SGCZ: variants seen among roughly 807,000 people sequenced by gnomAD.
SGCZ encodes zeta-sarcoglycan.
SGCZ carries 40 observed loss-of-function variants against 41.3 expected under a neutral mutation model. That is an observed-to-expected ratio of 0.97 (90% CI 0.75 to 1.26). The LOEUF is 1.26. SGCZ is among the 50% of genes most tolerant of loss of function. SGCZ has a pLI of 0.00. For synonymous variants in SGCZ, 206 were observed against 137.5 expected, an observed-to-expected ratio of 1.50 and a Z score of -3.49; for missense variants, 552 against 369.8, an observed-to-expected ratio of 1.49 and a Z score of -4.04.
chr8:15,237,804 AATAATG>A lies in SGCZ; in HGVS notation c.-187_-182del, dbSNP rs1299941413. 1.6e-5 allele frequency: 9 copies of A among 577,004 alleles called. No individual in the cohort carries two copies. Among genetic ancestry groups the A allele is most frequent in the Non-Finnish European group, 2.8e-5 (9 of 322,800 alleles). The allele number at this position is 577,004 out of a possible 1,614,324, so 35.7% of individuals were successfully genotyped here. ...TTAAAAATAAGGAAAATAAATAAATAATAATGATAATTCACTTTATTTTACTTCCTC... is the reference window on the plus strand; with the variant it reads ...TTAAAAATAAGGAAAATAAATAAATAATAATTCACTTTATTTTACTTCCTC... On this transcript the variant is annotated 5_prime_UTR_variant, in exon 1 of 8. Coordinates refer to ENST00000382080, the MANE Select transcript of SGCZ (RefSeq NM_139167.4).
At chr8:14,952,394 C>T (rs544657101) in intron 1 of SGCZ, among the ~76,000 whole-genome samples, 2 of 152,192 alleles carry the variant, frequency 1.3e-5, no homozygotes, top group African/African-American at 2.4e-5. Flanking sequence ...AGGTCTGTTA[C>T]ATGGCTCAAC....
chr8:14,256,735 T>C (rs1250521321), intron 3 of SGCZ, among the ~76,000 whole-genome samples: 2 of 152,174 alleles, frequency 1.3e-5, no homozygotes, highest in African/African-American at 4.8e-5. Flanking sequence ...AATCTGTTTG[T>C]CTCATTTCTC....
chr8:14,217,712 G>A (rs925721520), intron 4 of SGCZ, among the ~76,000 whole-genome samples: 48 of 136,552 alleles, frequency 3.5e-4, no homozygotes, highest in Admixed American at 1.6e-4. Context: ...TCACTGCAAC[G>A]TCTCACTCCT....
chr8:14,340,780 A>C (rs1802675807), intron 2 of SGCZ, among the ~76,000 whole-genome samples: 1 of 152,138 alleles, frequency 6.6e-6, no homozygotes, highest in Non-Finnish European at 1.5e-5. Flanking sequence ...TATTGTGGTA[A>C]AATATACTTA....
At chr8:14,209,725 C>A (rs1805737321) in intron 4 of SGCZ, among the ~76,000 whole-genome samples, 1 of 152,098 alleles carries the variant, frequency 6.6e-6, no homozygotes. Context: ...ATAGAAAAAA[C>A]TGGATATGTA....
intron 1 of SGCZ, among the ~76,000 whole-genome samples, chr8:15,071,932 G>C (rs1805365883): frequency 6.6e-6 from 1 of 152,180 alleles, no homozygotes; most frequent in South Asian, 2.1e-4. Flanking sequence ...GTCAGAGGCA[G>C]ACAACTTCTT....
chr8:14,426,064 G>T (rs1449497627), intron 2 of SGCZ, among the ~76,000 whole-genome samples: 1 of 152,018 alleles, frequency 6.6e-6, no homozygotes, highest in Non-Finnish European at 1.5e-5. Flanking sequence ...AGTAAGAATA[G>T]TGAAGACACA....
In SGCZ at chr8:15,229,746, C is replaced by T. The variant is rs140685509; in HGVS notation, c.39+7839G>A. Among the ~76,000 whole-genome samples the T allele has an allele frequency of 2.5e-3, 374 of 152,294 alleles. 3 individuals are homozygous for T. Among genetic ancestry groups the T allele is most frequent in the African/African-American group, 8.7e-3 (360 of 41,562 alleles). On this transcript the variant is annotated intron_variant, in intron 1 of 7. Transcript: ENST00000382080. ...AATCACAATGATAACAGCGTTTTCC[C>T]ATTCATGACATTGATTTATTGTATC...
chr8:14,412,757 T>C (rs1273377392), intron 2 of SGCZ, among the ~76,000 whole-genome samples: 1 of 151,952 alleles, frequency 6.6e-6, no homozygotes, highest in African/African-American at 2.4e-5. Context: ...TCACTAATAA[T>C]GCGCACGTGA....
intron 2 of SGCZ, among the ~76,000 whole-genome samples, chr8:14,357,179 C>T (rs73664319): frequency 8.1e-4 from 123 of 152,190 alleles, no homozygotes; most frequent in African/African-American, 2.7e-3. Context: ...AATATAAAAA[C>T]CACAGATACT....
chr8:14,614,552 C>A (rs995518961), intron 1 of SGCZ, among the ~76,000 whole-genome samples: 9 of 152,116 alleles, frequency 5.9e-5, no homozygotes, highest in African/African-American at 2.2e-4. Flanking sequence ...ATTTAATACT[C>A]TCCTTTTGTG....
chr8:14,560,009 G>T (rs921739856), intron 1 of SGCZ, among the ~76,000 whole-genome samples: 2 of 152,058 alleles, frequency 1.3e-5, no homozygotes, highest in African/African-American at 4.8e-5. Context: ...GAATTTGGTA[G>T]AAATTTCAAG....
chr8:14,942,017 A>G (rs979092663), intron 1 of SGCZ, among the ~76,000 whole-genome samples: 1 of 152,066 alleles, frequency 6.6e-6, no homozygotes, highest in Non-Finnish European at 1.5e-5. Flanking sequence ...CTAATAGCCC[A>G]ACAATTGGGC....
intron 2 of SGCZ, among the ~76,000 whole-genome samples, chr8:14,411,366 G>A (rs913397157): frequency 6.6e-6 from 1 of 152,026 alleles, no homozygotes; most frequent in African/African-American, 2.4e-5. Context: ...AAACATATTA[G>A]TGTTCTGTTA....
chr8:14,718,669 G>A (rs1291672153), intron 1 of SGCZ, among the ~76,000 whole-genome samples: 1 of 151,238 alleles, frequency 6.6e-6, no homozygotes, highest in Non-Finnish European at 1.5e-5. Flanking sequence ...TAAAAAAACT[G>A]TCCTACTGAA....
intron 2 of SGCZ, among the ~76,000 whole-genome samples, chr8:14,428,382 A>C (rs750853443): frequency 6.6e-6 from 1 of 152,114 alleles, no homozygotes; most frequent in Non-Finnish European, 1.5e-5. Context: ...AGTTTGACTT[A>C]CATTAACTTT....
chr8:14,926,281 A>T (rs1334080005), intron 1 of SGCZ, among the ~76,000 whole-genome samples: 1 of 152,212 alleles, frequency 6.6e-6, no homozygotes, highest in Non-Finnish European at 1.5e-5. Context: ...ATAAAAGATC[A>T]TCGAAAAAAT....
At chr8:14,218,095 A>G (rs572309329) in intron 4 of SGCZ, among the ~76,000 whole-genome samples, 23 of 152,320 alleles carry the variant, frequency 1.5e-4, no homozygotes, top group African/African-American at 4.1e-4. Flanking sequence ...TGACCACTCT[A>G]CTTAACTTTG....
intron 1 of SGCZ, among the ~76,000 whole-genome samples, chr8:14,668,495 C>A (rs915086612): frequency 6.6e-6 from 1 of 152,106 alleles, no homozygotes; most frequent in South Asian, 2.1e-4. Flanking sequence ...AAATTTAAAA[C>A]CTGAAACTCC....
Sources: allele counts gnomAD v4.1 joint callset (sites outside exome capture counted in the v4.1 genomes callset), GRCh38; gene constraint gnomAD v4.1.1; transcripts MANE v1.5; gene names NCBI Gene and HGNC (gene_info 2026-07-23, HGNC 2026-07-21).